Variants in ARPP21 observed in about 807,000 individuals in gnomAD.
ARPP21 encodes the protein cAMP-regulated phosphoprotein 21.
A neutral mutation model predicts 113.2 loss-of-function variants in ARPP21; 69 were observed. The ratio of observed to expected loss-of-function variants is 0.61; its 90% CI spans 0.50 to 0.74. The LOEUF (loss-of-function observed/expected upper bound fraction) is 0.74, where lower values mean the gene tolerates loss of function less well. ARPP21 is among the 30% of genes least tolerant of loss of function. The pLI is 0.00. For synonymous variants in ARPP21, 368 were observed against 375.5 expected (o/e 0.98, Z 0.23); for missense variants, 1,070 against 1,037.4 (o/e 1.03, Z -0.43).
At chr3:35,725,782 T>C (rs1269027928) in intron 14 of ARPP21, among the ~76,000 whole-genome samples, 1 of 152,226 alleles carries the variant, frequency 6.6e-6, no homozygotes, top group Non-Finnish European at 1.5e-5. Flanking sequence ...TTGGATGTCT[T>C]CTTTTTTCTC....
Position 35,730,765 on chromosome 3 carries a change from G to A in ARPP21, c.1459+1229G>A, listed in dbSNP as rs1014334682. Among the ~76,000 whole-genome samples the A allele has an allele frequency of 8.5e-5, 13 of 152,302 alleles. No individual in the cohort carries two copies. In the East Asian group the frequency reaches 1.9e-3, roughly 23 times the overall value. The stretch of plus-strand genomic sequence containing the variant: ...GTAATTAGGAAATTCAGAGAAATAT[G>A]AGAACTGTAGTAAAATAGTTACTTG... On this transcript the variant is annotated intron_variant, in intron 15 of 20. Coordinates refer to ENST00000684406, the MANE Select transcript of ARPP21 (RefSeq NM_001385562.1).
intron 15 of ARPP21, among the ~76,000 whole-genome samples, chr3:35,734,752 C>A (rs185682776): frequency 6.2e-4 from 95 of 152,314 alleles, no homozygotes; most frequent in African/African-American, 2.2e-3. Context: ...GGCCTTACTA[C>A]AATCTCAGCA....
At chr3:35,688,762 T>TA (rs1418730593) in intron 6 of ARPP21, among the ~76,000 whole-genome samples, 1 of 151,674 alleles carries the variant, frequency 6.6e-6, no homozygotes. Context: ...TTCAGGTTTC[T>TA]AAAACAGTTT....
At chr3:35,740,726 T>C (rs2094601737) in intron 18 of ARPP21, among the ~76,000 whole-genome samples, 1 of 152,200 alleles carries the variant, frequency 6.6e-6, no homozygotes, top group Non-Finnish European at 1.5e-5. Context: ...AGCGTTTAAG[T>C]GTCCTTACTA....
intron 19 of ARPP21, among the ~76,000 whole-genome samples, chr3:35,776,090 A>G (rs2096356677): frequency 6.6e-6 from 1 of 152,224 alleles, no homozygotes; most frequent in Admixed American, 6.6e-5. Flanking sequence ...TTTTACATAA[A>G]TAGAAAATAA....
At chr3:35,738,437 G>T (rs2150731180) in intron 17 of ARPP21, 119 bp downstream of exon 17, 1 of 720,376 alleles carries the variant, frequency 1.4e-6, no homozygotes, top group Non-Finnish European at 2.3e-6. Flanking sequence ...CTGTGAGGGG[G>T]TATGTGCGAA....
intron 11 of ARPP21, among the ~76,000 whole-genome samples, chr3:35,713,788 G>A (rs2091857376): frequency 6.6e-6 from 1 of 152,164 alleles, no homozygotes; most frequent in Admixed American, 6.5e-5. Context: ...TGAGTCTAAA[G>A]AGGTCACTAT....
At position 35,684,035 on chromosome 3, in the gene ARPP21, G is replaced by A; in HGVS notation, c.261+220G>A. 4 of 1,596,646 alleles carry A rather than the reference G, an allele frequency of 2.5e-6. No individual in the cohort carries two copies. In the South Asian group the frequency reaches 4.4e-5, roughly 18 times the overall value. On this transcript the variant is annotated intron_variant, in intron 5 of 20. Transcript: ENST00000684406. Reference sequence around the variant, plus strand: ...TTTTTTTCCAGACTCTCTGAAAACTGCAAATGGAAAGGAATTCAAAAGAAT... The same window carrying A: ...TTTTTTTCCAGACTCTCTGAAAACTACAAATGGAAAGGAATTCAAAAGAAT...
At chr3:35,669,184 A>C (rs896206984) in intron 1 of ARPP21, among the ~76,000 whole-genome samples, 1 of 152,038 alleles carries the variant, frequency 6.6e-6, no homozygotes, top group African/African-American at 2.4e-5. Context: ...AATTATGAGC[A>C]AAGAAAGGTA....
At chr3:35,645,563 C>T (rs1040863002) in intron 1 of ARPP21, among the ~76,000 whole-genome samples, 4 of 151,804 alleles carry the variant, frequency 2.6e-5, no homozygotes, top group Admixed American at 6.6e-5. Context: ...CTAGATAAGC[C>T]TAGTCATCTC....
chr3:35,742,965 G>C (rs950233915), intron 18 of ARPP21, among the ~76,000 whole-genome samples: 3 of 152,186 alleles, frequency 2.0e-5, no homozygotes, highest in African/African-American at 7.2e-5. Flanking sequence ...GGAAACATTT[G>C]ATTTGGATCA....
At chr3:35,764,724 T>A (rs1274005350) in intron 19 of ARPP21, among the ~76,000 whole-genome samples, 1 of 152,302 alleles carries the variant, frequency 6.6e-6, no homozygotes, top group Non-Finnish European at 1.5e-5. Flanking sequence ...GGGGTTTTAG[T>A]GTTCTGTTTG....
chr3:35,659,031 T>C (rs1321598820), intron 1 of ARPP21, among the ~76,000 whole-genome samples: 1 of 152,182 alleles, frequency 6.6e-6, no homozygotes, highest in Admixed American at 6.5e-5. Flanking sequence ...ATTTCACAGA[T>C]AATGTTTGGA....
intron 15 of ARPP21, among the ~76,000 whole-genome samples, chr3:35,730,027 G>C (rs953567526): frequency 2.0e-5 from 3 of 152,192 alleles, no homozygotes; most frequent in Non-Finnish European, 4.4e-5. Context: ...TAGAATTTCA[G>C]CCAGCTCCTA....
chr3:35,704,213 C>T (rs1237768056), intron 9 of ARPP21, among the ~76,000 whole-genome samples: 1 of 151,620 alleles, frequency 6.6e-6, no homozygotes, highest in East Asian at 1.9e-4. Context: ...GTTTGAAATG[C>T]AGTTATTAAG....
At chr3:35,639,429 C>A (rs995301478), upstream of ARPP21, among the ~76,000 whole-genome samples, 8 of 151,960 alleles carry the variant, frequency 5.3e-5, no homozygotes, top group Non-Finnish European at 1.2e-4. The surrounding 1 kb of genome is among the most constrained non-coding windows in gnomAD (Gnocchi z 5.0). Flanking sequence ...TCAGCCCGGG[C>A]GGGGACCGGA....
chr3:35,764,747 C>T (rs1419345884), intron 19 of ARPP21, among the ~76,000 whole-genome samples: 1 of 152,100 alleles, frequency 6.6e-6, no homozygotes, highest in Non-Finnish European at 1.5e-5. Context: ...TATATGTATA[C>T]ATTTTGTTTT....
intron 19 of ARPP21, among the ~76,000 whole-genome samples, chr3:35,782,249 C>G (rs1163849466): frequency 6.6e-6 from 1 of 152,136 alleles, no homozygotes; most frequent in Non-Finnish European, 1.5e-5. Flanking sequence ...TTCCTATCAA[C>G]CGATCCTGTC....
chr3:35,705,431 A>G, intron 9 of ARPP21, among the ~76,000 whole-genome samples: 1 of 152,194 alleles, frequency 6.6e-6, no homozygotes, highest in East Asian at 1.9e-4. Context: ...ACTAATTTTA[A>G]TATGTCATAT....
Sources: allele counts gnomAD v4.1 joint callset (sites outside exome capture counted in the v4.1 genomes callset), GRCh38; gene constraint gnomAD v4.1.1; non-coding constraint Gnocchi (gnomAD v3.1); transcripts MANE v1.5; gene names NCBI Gene and HGNC (gene_info 2026-07-23, HGNC 2026-07-21).